Variants in MUC17 observed in about 807,000 individuals in gnomAD.
The protein encoded by MUC17 is mucin-17.
In MUC17, 190 loss-of-function variants were observed where a neutral mutation model predicts 170.3. That is an observed-to-expected ratio of 1.12 (90% CI 0.99 to 1.26). The LOEUF is 1.26. Ranked by LOEUF, MUC17 falls within the 50% of genes most tolerant of loss-of-function variation. The pLI is 0.00. For synonymous variants in MUC17, 2,325 were observed against 2,002.5 expected, an observed-to-expected ratio of 1.16 and a Z score of -4.30; for missense variants, 6,415 against 5,530.0, an observed-to-expected ratio of 1.16 and a Z score of -5.08.
At chr7:101,026,266 G>A (rs751524207) in intron 1 of MUC17, among the ~76,000 whole-genome samples, 2 of 152,238 alleles carry the variant, frequency 1.3e-5, no homozygotes, top group Non-Finnish European at 2.9e-5. Context: ...CCAGGCCCAG[G>A]CAGGGACAGG....
In MUC17 at chr7:101,035,899, T is replaced by A; in HGVS notation, c.4483T>A (p.Ser1495Thr). Residue 1495 changes from serine to threonine, a missense_variant, in exon 3 of 13, where the codon TCT becomes ACT. Transcript: ENST00000306151. ...PVVTSTAVSSSPTPAEGTSIA... is the reference protein window; with the variant it reads ...PVVTSTAVSSTPTPAEGTSIA... ...GGTCACTTCTACAGCAGTCAGTTCA[T>A]CTCCTACACCTGCTGAAGGTACCAG... 6.2e-7 allele frequency: 1 copy of A among 1,611,828 alleles called. No individual in the cohort carries two copies. Among genetic ancestry groups the A allele is most frequent in the Non-Finnish European group, 8.5e-7 (1 of 1,178,868 alleles).
chr7:101,055,302 A>G (rs943355416), intron 11 of MUC17, among the ~76,000 whole-genome samples: 2 of 152,014 alleles, frequency 1.3e-5, no homozygotes, highest in South Asian at 2.1e-4. Flanking sequence ...TACATGTTAA[A>G]TAGAAACACA....
At chr7:101,051,396 G>GAAAGAAAATA (rs904948421) in intron 7 of MUC17, among the ~76,000 whole-genome samples, 2 of 136,086 alleles carry the variant, frequency 1.5e-5, no homozygotes, top group African/African-American at 5.4e-5. Context: ...AAAAGAGTAA[G>GAAAGAAAATA]AAAGAAAATA....
rs138416916 is a variant in MUC17, at chr7:101,032,872, T to C, written c.1456T>C (p.Ser486Pro). The C allele has an allele frequency of 4.1e-4, 669 of 1,612,522 alleles. 3 individuals carry two copies. In the African/African-American group the frequency reaches 8.2e-3, roughly 20 times the overall value. The change falls in exon 3 of 13, where the codon TCT becomes CCT. Residue 486 changes from serine (S) to proline (P), a missense_variant. Physicochemically the swap from Ser to Pro is moderately conservative, Grantham distance 74 (BLOSUM62 -1). Transcript: ENST00000306151. ...PVDSKTQVTT[S>P]TEASSSPPTA... ...TGACTCCAAAACTCAGGTGACCACT[T>C]CTACTGAAGCCAGTTCATCTCCTCC...
Position 101,034,604 on chromosome 7 carries a change from C to G in MUC17, c.3188C>G (p.Ser1063Ter), listed in dbSNP as rs1202766556. Residue 1063 changes from serine (S) to a stop codon, truncating the protein, a stop_gained, in exon 3 of 13, where the codon TCA (serine) becomes TGA (stop). Transcript: ENST00000306151. LOFTEE classifies it high-confidence loss of function. ...MVASSETSTL[S>*]TTPADTSTPV... ...GCCAGTTCTGAAACGAGCACACTTTCAACAACTCCTGCTGACACCAGCACA... is the reference window on the plus strand; with the variant it reads ...GCCAGTTCTGAAACGAGCACACTTTGAACAACTCCTGCTGACACCAGCACA... 1 of 1,607,634 alleles carries G rather than the reference C, an allele frequency of 6.2e-7. No homozygotes were observed. The highest frequency in any genetic ancestry group is 8.5e-7 in the Non-Finnish European group (1 of 1,175,074).
chr7:101,028,095 T>C (rs1242766788), intron 1 of MUC17, among the ~76,000 whole-genome samples: 1 of 147,252 alleles, frequency 6.8e-6, no homozygotes, highest in Admixed American at 6.7e-5. Flanking sequence ...TTTAATTCTT[T>C]TTTTTTTTTT....
In MUC17 at chr7:101,048,016, C is replaced by A. The variant is rs780814630; in HGVS notation, c.12436C>A (p.Arg4146Ser). The A allele has an allele frequency of 3.5e-5, 56 of 1,605,462 alleles. No homozygotes were observed. The highest frequency in any genetic ancestry group is 4.7e-5 in the Non-Finnish European group (55 of 1,176,658). ...FGDGCQNTASRCKNGGTWDGL... is the reference protein window; with the variant it reads ...FGDGCQNTASSCKNGGTWDGL... ...AGATGGGTGCCAGAATACGGCCTCT[C>A]GCTGCAAGAATGGAGGCACCTGGGA... Residue 4146 changes from arginine (R) to serine (S), a missense_variant, in exon 4 of 13, where the codon CGC (arginine) becomes AGC (serine). By Grantham distance (110) the Arg-to-Ser change is moderately radical (BLOSUM62 -1). Coordinates refer to ENST00000306151, the MANE Select transcript of MUC17 (RefSeq NM_001040105.2).
Position 101,043,016 on chromosome 7 carries a change from C to A in MUC17, c.11600C>A (p.Ser3867Ter), listed in dbSNP as rs1436196363. The A allele has an allele frequency of 1.9e-6, 3 of 1,614,016 alleles. No individual in the cohort carries two copies. The highest frequency in any genetic ancestry group is 2.5e-6 in the Non-Finnish European group (3 of 1,180,044). ...IPAEVTTIRI[S>*]ITSERSTPLT... Reference sequence around the variant, plus strand: ...GCTGAAGTCACTACCATACGTATTTCAATTACCAGTGAAAGAAGCACTCCA... The same window carrying A: ...GCTGAAGTCACTACCATACGTATTTAAATTACCAGTGAAAGAAGCACTCCA... The change falls in exon 3 of 13, where the codon TCA becomes TAA. Residue 3867 changes from serine (S) to a stop codon, truncating the protein, a stop_gained. Transcript: ENST00000306151. LOFTEE classifies it high-confidence loss of function.
In MUC17 at chr7:101,035,637, G is replaced by C. The variant is rs200627718; in HGVS notation, c.4221G>C (p.Pro1407=). Residue 1407 remains proline, a synonymous_variant, in exon 3 of 13, where the codon CCG becomes CCC. Coordinates refer to ENST00000306151, the MANE Select transcript of MUC17 (RefSeq NM_001040105.2). ...CAAGTATACCTGTCAGCACCACGCC[G>C]GTAGTCAGTTCTGAGGCTAGCACCC... ...PLTSIPVSTT[P]VVSSEASTLS... is the part of the protein sequence containing the mutation. 1 of 1,609,550 alleles carries C rather than the reference G, an allele frequency of 6.2e-7. No individual in the cohort carries two copies. Among genetic ancestry groups the C allele is most frequent in the Non-Finnish European group, 8.5e-7 (1 of 1,177,938 alleles).
chr7:101,040,611 C>T lies in MUC17; in HGVS notation c.9195C>T (p.Thr3065=), dbSNP rs777437431. The T allele has an allele frequency of 1.2e-5, 20 of 1,612,162 alleles. No homozygotes were observed. Among genetic ancestry groups the T allele is most frequent in the Non-Finnish European group, 1.7e-5 (20 of 1,179,268 alleles). The change falls in exon 3 of 13, where the codon ACC becomes ACT. Residue 3065 remains threonine, a synonymous_variant. Transcript: ENST00000306151. ...TTPVAIPEAS[T]LSTTPVDSNS... ...CAGTGGCCATTCCTGAGGCTAGCAC[C>T]CTTTCAACAACTCCTGTTGACTCCA...
intron 3 of MUC17, among the ~76,000 whole-genome samples, chr7:101,046,756 C>A (rs755837710): frequency 6.6e-6 from 1 of 152,052 alleles, no homozygotes; most frequent in East Asian, 1.9e-4. Flanking sequence ...CCAACCTGAA[C>A]GAGATGGTGA....
In MUC17 at chr7:101,034,088, A is replaced by C; in HGVS notation, c.2672A>C (p.Asp891Ala). 6.3e-7 allele frequency: 1 copy of C among 1,584,912 alleles called. No homozygotes were observed. Among genetic ancestry groups the C allele is most frequent in the Non-Finnish European group, 8.6e-7 (1 of 1,165,118 alleles). ...AGCACCCTTTCAACAACTCCTGTTG[A>C]CACCAGCACACCTGTGACCAATTCT... Reference protein sequence around the residue: ...AISTLSTTPVDTSTPVTNSTE... With the variant: ...AISTLSTTPVATSTPVTNSTE... Residue 891 changes from aspartate (D) to alanine (A), a missense_variant, in exon 3 of 13, where the codon GAC becomes GCC. By Grantham distance (126) the Asp-to-Ala change is moderately radical. Coordinates refer to ENST00000306151, the MANE Select transcript of MUC17 (RefSeq NM_001040105.2).
At chr7:101,046,210 G>A (rs1195465754) in intron 3 of MUC17, among the ~76,000 whole-genome samples, 1 of 152,200 alleles carries the variant, frequency 6.6e-6, no homozygotes, top group Non-Finnish European at 1.5e-5. Context: ...ATTTTCACAA[G>A]TGTGGATCCT....
rs1794348804 is a variant in MUC17, at chr7:101,033,203, AC to A, written c.1788del (p.Ser597ProfsTer5). 3 of 1,613,804 alleles carry A rather than the reference AC, an allele frequency of 1.9e-6. No homozygotes were observed. The highest frequency in any genetic ancestry group is 1.7e-6 in the Non-Finnish European group (2 of 1,179,952). ...AGCACCACTTCAACAACTCCTGCTG[AC>A]TCCAACACTTTTGTGACCACTTCTA... ...EASTTSTTPA[D>X]SNTFVTTSSE... On this transcript the variant is annotated frameshift_variant, in exon 3 of 13. Transcript: ENST00000306151. LOFTEE classifies it high-confidence loss of function.
chr7:101,043,037 C>T lies in MUC17; in HGVS notation c.11621C>T (p.Thr3874Ile). The change falls in exon 3 of 13, where the codon ACT (threonine) becomes ATT (isoleucine). Residue 3874 changes from threonine to isoleucine, a missense_variant. Transcript: ENST00000306151. ...IRISITSERSTPLTTLLVSTT... is the reference protein window; with the variant it reads ...IRISITSERSIPLTTLLVSTT... ...ATTTCAATTACCAGTGAAAGAAGCA[C>T]TCCATTAACAACTCTCCTTGTCAGC... is the stretch of plus-strand genomic sequence containing the variant. The T allele has an allele frequency of 1.9e-6, 3 of 1,614,206 alleles. No homozygotes were observed. Among genetic ancestry groups the T allele is most frequent in the Non-Finnish European group, 1.7e-6 (2 of 1,180,046 alleles).
Position 101,039,020 on chromosome 7 carries a change from T to G in MUC17, c.7604T>G (p.Leu2535Arg), listed in dbSNP as rs1794592179. 6 of 1,613,874 alleles carry G rather than the reference T, an allele frequency of 3.7e-6. No individual in the cohort carries two copies. Among genetic ancestry groups the G allele is most frequent in the Middle Eastern group, 3.3e-4 (2 of 6,060 alleles). Residue 2535 changes from leucine (L) to arginine (R), a missense_variant, in exon 3 of 13, where the codon CTT becomes CGT. Coordinates refer to ENST00000306151, the MANE Select transcript of MUC17 (RefSeq NM_001040105.2). ...TPVASPEAST[L>R]STTPVDSNSP... ...GTGGCCAGTCCTGAGGCTAGCACCC[T>G]TTCAACAACTCCTGTTGACTCCAAC...
At chr7:101,029,021 C>T (rs1308187101) in intron 1 of MUC17, among the ~76,000 whole-genome samples, 1 of 151,990 alleles carries the variant, frequency 6.6e-6, no homozygotes, top group Non-Finnish European at 1.5e-5. Context: ...AACCCCATCT[C>T]TACTAAAAAT....
chr7:101,040,588 G>C lies in MUC17; in HGVS notation c.9172G>C (p.Val3058Leu). 1 of 1,613,064 alleles carries C rather than the reference G, an allele frequency of 6.2e-7. No homozygotes were observed. The highest frequency in any genetic ancestry group is 8.5e-7 in the Non-Finnish European group (1 of 1,179,706). Reference protein sequence around the residue: ...LTSIPVSTTPVAIPEASTLST... With the variant: ...LTSIPVSTTPLAIPEASTLST... The stretch of plus-strand genomic sequence containing the variant: ...AAGTATACCTGTCAGCACCACGCCA[G>C]TGGCCATTCCTGAGGCTAGCACCCT... The change falls in exon 3 of 13, where the codon GTG becomes CTG. Residue 3058 changes from valine to leucine, a missense_variant. Coordinates refer to ENST00000306151, the MANE Select transcript of MUC17 (RefSeq NM_001040105.2).
rs774209536 is a variant in MUC17 at position 101,036,977 on chromosome 7, G to A, written c.5561G>A (p.Gly1854Asp). The stretch of plus-strand genomic sequence containing the variant: ...AGTTCATCTCCTACACCTGCTGAAG[G>A]TACCAGCATAGCAACCTCAACGCCT... ...AVSSSPTPAE[G>D]TSIATSTPSE... The change falls in exon 3 of 13, where the codon GGT becomes GAT. Residue 1854 changes from glycine (G) to aspartate (D), a missense_variant. Physicochemically the swap from Gly to Asp is moderately conservative, Grantham distance 94 (BLOSUM62 -1). Transcript: ENST00000306151. 1 of 1,584,190 alleles carries A rather than the reference G, an allele frequency of 6.3e-7. No individual in the cohort carries two copies.
Sources: allele counts gnomAD v4.1 joint callset (sites outside exome capture counted in the v4.1 genomes callset), GRCh38; gene constraint gnomAD v4.1.1; transcripts MANE v1.5; gene names NCBI Gene and HGNC (gene_info 2026-07-23, HGNC 2026-07-21).